The following GALNT10 variants were observed in gnomAD, a reference collection of about 807,000 sequenced individuals.
The protein encoded by GALNT10 is GalNAc transferase 10.
GALNT10 carries 41 observed loss-of-function variants against 75.0 expected under a neutral mutation model. The ratio of observed to expected loss-of-function variants is 0.55; its 90% CI spans 0.43 to 0.71. The LOEUF is 0.71. Among genes scored for constraint, GALNT10 ranks in the 30% least tolerant of loss-of-function variants. GALNT10 has a pLI of 0.00. For synonymous variants in GALNT10, 302 were observed against 313.0 expected, an observed-to-expected ratio of 0.96 and a Z score of 0.37; for missense variants, 727 against 818.5, an observed-to-expected ratio of 0.89 and a Z score of 1.36.
In GALNT10 at chr5:154,298,560, C is replaced by T. The variant is rs890282505; in HGVS notation, c.401+481C>T. Among the ~76,000 whole-genome samples, 6 of 152,126 alleles carry T rather than the reference C, an allele frequency of 3.9e-5. No homozygotes were observed. The highest frequency in any genetic ancestry group is 8.8e-5 in the Non-Finnish European group (6 of 68,018). Reference sequence around the variant, plus strand: ...CTTTGAACCGGTACTATGTGCCAAACGCTTTATTTGTATCATCTCAGGTTG... The same window carrying T: ...CTTTGAACCGGTACTATGTGCCAAATGCTTTATTTGTATCATCTCAGGTTG... On this transcript the variant is annotated intron_variant, in intron 3 of 11. Transcript: ENST00000297107. This position sits in a 1 kb window ranked among gnomAD's most constrained non-coding sequence, Gnocchi z 4.1.
At chr5:154,224,833 T>G (rs1353983188) in intron 1 of GALNT10, among the ~76,000 whole-genome samples, 1 of 145,534 alleles carries the variant, frequency 6.9e-6, no homozygotes, top group South Asian at 2.2e-4. Context: ...CAGGTTAGAG[T>G]GCAGTGGCAG....
intron 1 of GALNT10, among the ~76,000 whole-genome samples, chr5:154,239,591 T>C (rs187343605): frequency 1.3e-5 from 2 of 150,888 alleles, no homozygotes; most frequent in Admixed American, 6.6e-5. Flanking sequence ...CGTGGAAAAA[T>C]TGTCTTCCAC....
intron 1 of GALNT10, among the ~76,000 whole-genome samples, chr5:154,234,387 C>G (rs1581931641): frequency 6.6e-6 from 1 of 152,096 alleles, no homozygotes; most frequent in East Asian, 1.9e-4. Context: ...GGCTCATAGG[C>G]TAAAAGAGCT....
At chr5:154,291,438 C>T (rs933941953) in intron 1 of GALNT10, among the ~76,000 whole-genome samples, 6 of 152,320 alleles carry the variant, frequency 3.9e-5, no homozygotes, top group African/African-American at 1.4e-4. Context: ...GTGCCAGAAT[C>T]AGCATTAACA....
chr5:154,267,638 A>G (rs1454016309), intron 1 of GALNT10, among the ~76,000 whole-genome samples: 2 of 152,170 alleles, frequency 1.3e-5, no homozygotes, highest in African/African-American at 2.4e-5. Context: ...AGGATGTCTC[A>G]TTTCTGGGTC....
intron 1 of GALNT10, among the ~76,000 whole-genome samples, chr5:154,239,437 C>G (rs1176553206): frequency 6.6e-6 from 1 of 152,218 alleles, no homozygotes; most frequent in Admixed American, 6.5e-5. Context: ...CGCCTCCTGT[C>G]AGATCAGCTG....
intron 1 of GALNT10, among the ~76,000 whole-genome samples, chr5:154,202,393 A>G (rs1775040077): frequency 6.6e-6 from 1 of 152,202 alleles, no homozygotes; most frequent in South Asian, 2.1e-4. Context: ...CTGGCTCCAC[A>G]GCAGAAACAG....
intron 7 of GALNT10, among the ~76,000 whole-genome samples, chr5:154,398,216 C>T (rs1362401184): frequency 6.6e-6 from 1 of 152,206 alleles, no homozygotes; most frequent in African/African-American, 2.4e-5. Context: ...TGCGGTGGAG[C>T]AGCAAGGGAC....
intron 8 of GALNT10, among the ~76,000 whole-genome samples, chr5:154,405,278 A>G (rs1270822957): frequency 6.6e-6 from 1 of 152,108 alleles, no homozygotes; most frequent in East Asian, 1.9e-4. Flanking sequence ...GAAAGCCGAG[A>G]GGCTCAAAGA....
At chr5:154,395,414 T>C (rs950492566) in intron 7 of GALNT10, among the ~76,000 whole-genome samples, 2 of 152,260 alleles carry the variant, frequency 1.3e-5, no homozygotes, top group Admixed American at 1.3e-4. Flanking sequence ...GGGGATGGAA[T>C]AATCTTTACT....
At chr5:154,279,126 T>A (rs1753998210) in intron 1 of GALNT10, among the ~76,000 whole-genome samples, 2 of 152,178 alleles carry the variant, frequency 1.3e-5, no homozygotes, top group South Asian at 4.1e-4. Flanking sequence ...CCACAAAAGT[T>A]TTTAACAGCA....
intron 9 of GALNT10, among the ~76,000 whole-genome samples, chr5:154,410,534 G>T (rs532520851): frequency 2.8e-4 from 42 of 152,304 alleles, no homozygotes; most frequent in Non-Finnish European, 4.9e-4. Context: ...CCTGGTGACA[G>T]AGCAAGACCC....
intron 7 of GALNT10, among the ~76,000 whole-genome samples, chr5:154,394,766 T>C (rs898371181): frequency 6.6e-6 from 1 of 152,180 alleles, no homozygotes; most frequent in Non-Finnish European, 1.5e-5. Flanking sequence ...TCCCCATCCT[T>C]TTCCCTGCCC....
In GALNT10 at chr5:154,298,424, T is replaced by TA. The variant is rs139833446; in HGVS notation, c.401+353dup. ...TCTGTGTGATGTTTTTATTTCTTTT[T>TA]AAAAAAAATCTTTCTATATATTTGT... On this transcript the variant is annotated intron_variant, in intron 3 of 11. Transcript: ENST00000297107. This position sits in a 1 kb window ranked among gnomAD's most constrained non-coding sequence, Gnocchi z 4.1. Among the ~76,000 whole-genome samples, 15 of 152,108 alleles carry TA rather than the reference T, an allele frequency of 9.9e-5. No individual in the cohort carries two copies. The highest frequency in any genetic ancestry group is 3.2e-3 in the Middle Eastern group (1 of 316).
chr5:154,218,031 C>T lies in GALNT10; in HGVS notation c.159+27006C>T, dbSNP rs533335590. The T allele has an allele frequency of 3.9e-5, 38 of 985,172 alleles. No homozygotes were observed. In the African/African-American group the frequency reaches 5.4e-4, roughly 14 times the overall value. The allele number at this position is 985,172 out of a possible 1,614,324, so 61.0% of individuals were successfully genotyped here. A position where few individuals can be genotyped will look rare whatever the true frequency, so the allele number is the denominator to read the frequency against. On this transcript the variant is annotated intron_variant, in intron 1 of 11. Coordinates refer to ENST00000297107, the MANE Select transcript of GALNT10 (RefSeq NM_198321.4). The stretch of plus-strand genomic sequence containing the variant: ...CTTCCTTCTATTTCTCCTGCCAGCT[C>T]GCTTCCCCACCCCAGCCTGGGCACT...
At chr5:154,348,806 A>G (rs1460321575) in intron 4 of GALNT10, among the ~76,000 whole-genome samples, 2 of 152,210 alleles carry the variant, frequency 1.3e-5, no homozygotes, top group Non-Finnish European at 2.9e-5. Flanking sequence ...AGAGTTATAA[A>G]TTGATAACTT....
chr5:154,193,942 G>T (rs558244251), intron 1 of GALNT10, among the ~76,000 whole-genome samples: 3 of 152,324 alleles, frequency 2.0e-5, no homozygotes, highest in South Asian at 4.1e-4. Context: ...GGCTTCTTGG[G>T]AAGCTGCAAA....
At chr5:154,390,911 G>A (rs1755886010) in intron 7 of GALNT10, among the ~76,000 whole-genome samples, 2 of 152,338 alleles carry the variant, frequency 1.3e-5, no homozygotes, top group African/African-American at 4.8e-5. Flanking sequence ...ATCTCATCCG[G>A]GAGGGGGAAG....
chr5:154,239,344 A>C (rs1422742515), intron 1 of GALNT10, among the ~76,000 whole-genome samples: 1 of 151,980 alleles, frequency 6.6e-6, no homozygotes, highest in Non-Finnish European at 1.5e-5. Flanking sequence ...GGGGTCCCCA[A>C]CCCCCAGGCC....
Sources: allele counts gnomAD v4.1 joint callset (sites outside exome capture counted in the v4.1 genomes callset), GRCh38; gene constraint gnomAD v4.1.1; non-coding constraint Gnocchi (gnomAD v3.1); transcripts MANE v1.5; gene names NCBI Gene and HGNC (gene_info 2026-07-23, HGNC 2026-07-21).